The following CDH2 variants were observed in gnomAD, a reference collection of about 807,000 sequenced individuals.
The protein encoded by CDH2 is cadherin 2.
A neutral mutation model predicts 92.0 loss-of-function variants in CDH2; 17 were observed. The observed-to-expected ratio is 0.18, with a 90% CI of 0.13 to 0.28. CDH2 has a LOEUF of 0.28. Among genes scored for constraint, CDH2 ranks in the 10% least tolerant of loss-of-function variants. The pLI is 1.00. For missense variants in CDH2, 862 were observed against 1,133.1 expected (o/e 0.76, Z 3.44); for synonymous variants, 419 against 415.9 (o/e 1.01, Z -0.09).
At chr18:28,086,161 T>G (rs558122232) in intron 2 of CDH2, among the ~76,000 whole-genome samples, 21 of 152,252 alleles carry the variant, frequency 1.4e-4, no homozygotes, top group Admixed American at 7.2e-4. Flanking sequence ...AGTTTGCAAT[T>G]GAGAAGTTGA....
chr18:28,052,287 T>C (rs180762481), intron 2 of CDH2, among the ~76,000 whole-genome samples: 95 of 152,268 alleles, frequency 6.2e-4, no homozygotes, highest in Admixed American at 1.2e-3. Context: ...AAAGAAGACA[T>C]GGTATCAATA....
intron 15 of CDH2, among the ~76,000 whole-genome samples, chr18:27,958,571 A>G (rs1289439035): frequency 6.7e-6 from 1 of 150,040 alleles, no homozygotes; most frequent in Non-Finnish European, 1.5e-5. Context: ...ATATGTGTAT[A>G]TTTGTATATA....
At chr18:27,985,506 C>A in intron 12 of CDH2, 22 bp downstream of exon 12, 1 of 1,493,306 alleles carries the variant, frequency 6.7e-7, no homozygotes, top group South Asian at 1.2e-5. Flanking sequence ...CACATATATT[C>A]AAATAATTAA....
intron 2 of CDH2, among the ~76,000 whole-genome samples, chr18:28,102,450 T>C (rs2015242711): frequency 6.6e-6 from 1 of 152,154 alleles, no homozygotes; most frequent in Non-Finnish European, 1.5e-5. Flanking sequence ...ATATCCTTGC[T>C]TTCTGATTCT....
intron 7 of CDH2, 136 bp downstream of exon 7, chr18:28,002,861 G>C (rs2012808254): frequency 1.3e-6 from 1 of 799,502 alleles, no homozygotes; most frequent in Non-Finnish European, 2.0e-6. Flanking sequence ...ATATACAACA[G>C]ATTACTTAAT....
At chr18:28,120,668 G>A (rs992768777) in intron 2 of CDH2, among the ~76,000 whole-genome samples, 1 of 151,956 alleles carries the variant, frequency 6.6e-6, no homozygotes, top group Non-Finnish European at 1.5e-5. Flanking sequence ...ATAAAAGGGA[G>A]GCATGATTTA....
rs34158369 is a variant in CDH2 at position 28,172,076 on chromosome 18, G to GGTGTGT, written c.60+4881_60+4886dup. Among the ~76,000 whole-genome samples the GGTGTGT allele has an allele frequency of 5.6e-3, 826 of 146,568 alleles. 9 individuals carry two copies. Among genetic ancestry groups the GGTGTGT allele is most frequent in the African/African-American group, 0.019 (777 of 40,172 alleles). Reference sequence around the variant, plus strand: ...ATAGCAGTCCTCAACATACATTTGGGGTGTGTGTGTGTGTGTGTGTGTGTG... The same window carrying GGTGTGT: ...ATAGCAGTCCTCAACATACATTTGGGGTGTGTGTGTGTGTGTGTGTGTGTGTGTGTG... On this transcript the variant is annotated intron_variant, in intron 1 of 15. Coordinates refer to ENST00000269141, the MANE Select transcript of CDH2 (RefSeq NM_001792.5).
chr18:28,116,206 C>T (rs559666966), intron 2 of CDH2, among the ~76,000 whole-genome samples: 1 of 152,170 alleles, frequency 6.6e-6, no homozygotes, highest in African/African-American at 2.4e-5. Flanking sequence ...TTAATGTCTT[C>T]GGTAGGTGTA....
At chr18:27,986,251 G>C (rs1429793741) in intron 11 of CDH2, among the ~76,000 whole-genome samples, 3 of 152,164 alleles carry the variant, frequency 2.0e-5, no homozygotes, top group Non-Finnish European at 2.9e-5. Context: ...CAGAACCACA[G>C]ACCTCAACTC....
At chr18:28,154,973 G>A (rs1337500649) in intron 1 of CDH2, among the ~76,000 whole-genome samples, 3 of 152,130 alleles carry the variant, frequency 2.0e-5, no homozygotes, top group Admixed American at 1.3e-4. Flanking sequence ...TTGGATGTCA[G>A]GTTAAAACAC....
At chr18:27,976,400 A>C (rs1448706029) in intron 14 of CDH2, among the ~76,000 whole-genome samples, 1 of 152,152 alleles carries the variant, frequency 6.6e-6, no homozygotes, top group Non-Finnish European at 1.5e-5. Context: ...TTCAAGTCAA[A>C]TTCTGAAAGC....
intron 6 of CDH2, among the ~76,000 whole-genome samples, chr18:27,943,192 T>C (rs1266875704): frequency 1.3e-5 from 2 of 152,164 alleles, no homozygotes; most frequent in African/African-American, 4.8e-5. Flanking sequence ...CACGTGGTAC[T>C]ATGCAAAAGA....
Position 28,077,815 on chromosome 18 carries a change from C to T in CDH2, c.173-63906G>A, listed in dbSNP as rs570960805. On this transcript the variant is annotated intron_variant, in intron 2 of 15. Coordinates refer to ENST00000269141, the MANE Select transcript of CDH2 (RefSeq NM_001792.5). ...CTGAGGCAGGAGAATTGCTTGAACC[C>T]GGGAGTTGGAGGTTGCACTGAGCTG... 5.8e-4 allele frequency among the ~76,000 whole-genome samples: 84 copies of T among 145,338 alleles called. 1 individual carries two copies. The highest frequency in any genetic ancestry group is 1.0e-3 in the African/African-American group (40 of 38,892).
At chr18:27,991,646 T>C (rs1173756626) in intron 9 of CDH2, among the ~76,000 whole-genome samples, 1 of 152,174 alleles carries the variant, frequency 6.6e-6, no homozygotes, top group Non-Finnish European at 1.5e-5. Flanking sequence ...TTTACAGTGG[T>C]TAAATAGTTG....
At chr18:28,146,386 A>C (rs2016035349) in intron 2 of CDH2, 1 of 152,030 alleles carries the variant, frequency 6.6e-6, no homozygotes, top group East Asian at 1.9e-4. Context: ...AGAACTCCAA[A>C]AGTCATATTA....
intron 1 of CDH2, among the ~76,000 whole-genome samples, chr18:28,162,565 C>T (rs986447478): frequency 1.3e-5 from 2 of 151,918 alleles, no homozygotes; most frequent in African/African-American, 4.8e-5. Flanking sequence ...TTAGATTTTC[C>T]CATTCTTAAG....
intron 2 of CDH2, among the ~76,000 whole-genome samples, chr18:28,120,503 A>G (rs372609752): frequency 8.5e-5 from 13 of 152,250 alleles, no homozygotes; most frequent in Admixed American, 7.2e-4. Context: ...CTTTGCTATT[A>G]CATAGTCATA....
At chr18:28,131,683 G>GTTGTGTGTGTGTGTGT (rs374374605) in intron 2 of CDH2, among the ~76,000 whole-genome samples, 2 of 150,196 alleles carry the variant, frequency 1.3e-5, no homozygotes, top group African/African-American at 2.4e-5. Flanking sequence ...AAGCATTTGT[G>GTTGTGTGTGTGTGTGT]GTGTGTGTGT....
chr18:28,147,642 G>T, intron 2 of CDH2, 31 bp downstream of exon 2: 2 of 1,308,126 alleles, frequency 1.5e-6, no homozygotes, highest in Non-Finnish European at 2.2e-6. Flanking sequence ...CATGGACACT[G>T]CATGTACAAA....
Sources: gnomAD v4.1 joint callset for allele counts (sites outside exome capture counted in the v4.1 genomes callset) on GRCh38, gnomAD v4.1.1 for gene constraint, MANE v1.5 for transcripts, NCBI Gene and HGNC (gene_info 2026-07-23, HGNC 2026-07-21) for gene names.